Variants in PRKCD observed in about 807,000 individuals in gnomAD.
PRKCD encodes the protein protein kinase C delta type.
Under a neutral mutation model 82.2 loss-of-function variants are expected in PRKCD, and 20 were observed. The ratio of observed to expected loss-of-function variants is 0.24; its 90% CI spans 0.17 to 0.35. PRKCD has a LOEUF of 0.35. Among genes scored for constraint, PRKCD ranks in the 10% least tolerant of loss-of-function variants. PRKCD has a pLI of 1.00. For synonymous variants in PRKCD, 317 were observed against 337.0 expected, an observed-to-expected ratio of 0.94 and a Z score of 0.65; for missense variants, 607 against 899.0, an observed-to-expected ratio of 0.68 and a Z score of 4.15.
In PRKCD at chr3:53,189,183, C is replaced by A; in HGVS notation, c.1680C>A (p.Ile560=). ...ATGAGGATGAACTCTTCGAGTCCAT[C>A]CGTGTGGACACGCCACATTATCCCC... ...GDDEDELFES[I]RVDTPHYPRW... Residue 560 remains isoleucine, a synonymous_variant, in exon 17 of 19, where the codon ATC becomes ATA. Transcript: ENST00000330452. The A allele has an allele frequency of 6.2e-7, 1 of 1,614,160 alleles. No individual in the cohort carries two copies. Among genetic ancestry groups the A allele is most frequent in the African/African-American group, 1.3e-5 (1 of 75,064 alleles).
chr3:53,169,300 G>A lies in PRKCD; in HGVS notation c.-20+4085G>A, dbSNP rs913821483. Among the ~76,000 whole-genome samples the A allele has an allele frequency of 2.0e-5, 3 of 152,112 alleles. No homozygotes were observed. The highest frequency in any genetic ancestry group is 4.4e-5 in the Non-Finnish European group (3 of 68,004). ...AAGCCTGAAGTTCAGGAGGGTCTGG[G>A]CCCAAAGTAGAGACGGGAGCCTAAA... On this transcript the variant is annotated intron_variant, in intron 2 of 18. Transcript: ENST00000330452. This position sits in a 1 kb window ranked among gnomAD's most constrained non-coding sequence, Gnocchi z 4.7.
intron 2 of PRKCD, among the ~76,000 whole-genome samples, chr3:53,176,857 C>T (rs1310027783): frequency 1.3e-5 from 2 of 152,178 alleles, no homozygotes; most frequent in Admixed American, 1.3e-4. Flanking sequence ...GAGGCAGAGT[C>T]TCGCTCTGTT....
At chr3:53,185,550 G>A (rs1703642258) in intron 10 of PRKCD, 54 bp from the exon 11 acceptor site, 1 of 1,471,356 alleles carries the variant, frequency 6.8e-7, no homozygotes. Flanking sequence ...TTCTGGGCTG[G>A]GAGTTCTGAT....
At chr3:53,190,836 C>T (rs1703900089) in intron 18 of PRKCD, among the ~76,000 whole-genome samples, 1 of 152,240 alleles carries the variant, frequency 6.6e-6, no homozygotes, top group South Asian at 2.1e-4. Flanking sequence ...CACCAGGGAC[C>T]TCAAACTCAG....
intron 2 of PRKCD, among the ~76,000 whole-genome samples, chr3:53,165,838 G>T (rs1702813999): frequency 6.6e-6 from 1 of 152,214 alleles, no homozygotes; most frequent in African/African-American, 2.4e-5. Flanking sequence ...CAGTCTCTTT[G>T]AATCCCCTCA....
chr3:53,168,625 C>G (rs1319132209), intron 2 of PRKCD, among the ~76,000 whole-genome samples: 1 of 151,702 alleles, frequency 6.6e-6, no homozygotes, highest in African/African-American at 2.4e-5. Context: ...GGGCAGATCA[C>G]GGGGTGTGGT....
At chr3:53,162,608 T>G (rs1702708442) in intron 1 of PRKCD, among the ~76,000 whole-genome samples, 1 of 152,126 alleles carries the variant, frequency 6.6e-6, no homozygotes, top group African/African-American at 2.4e-5. Context: ...TGTGTGTATG[T>G]GTGTATGTCT....
In PRKCD at chr3:53,190,014, G is replaced by A. The variant is rs782421803; in HGVS notation, c.1872+13G>A. On this transcript the variant is annotated intron_variant, in intron 18 of 18. Coordinates refer to ENST00000330452, the MANE Select transcript of PRKCD (RefSeq NM_006254.4). Reference sequence around the variant, plus strand: ...CAGGCCCAAAGTGGTATGTGATCCTGCCCTGTGCTGCCTTCAGGCTGAGCT... The same window carrying A: ...CAGGCCCAAAGTGGTATGTGATCCTACCCTGTGCTGCCTTCAGGCTGAGCT... 57 of 1,613,324 alleles carry A rather than the reference G, an allele frequency of 3.5e-5. No homozygotes were observed. The highest frequency in any genetic ancestry group is 4.7e-5 in the Non-Finnish European group (56 of 1,179,740).
At position 53,185,695 on chromosome 3, in the gene PRKCD, T is replaced by C. The variant is rs900655326; in HGVS notation, c.980T>C (p.Met327Thr). Residue 327 changes from methionine to threonine, a missense_variant, in exon 11 of 19, where the codon ATG (methionine) becomes ACG (threonine). Physicochemically the swap from Met to Thr is moderately conservative, Grantham distance 81. Transcript: ENST00000330452. ...EKKTGVAGED[M>T]QDNSGTYGKI... ...AAGACCGGAGTTGCTGGGGAGGACATGCAAGGTGAAGCTGGGTCCATTGCC... is the reference window on the plus strand; with the variant it reads ...AAGACCGGAGTTGCTGGGGAGGACACGCAAGGTGAAGCTGGGTCCATTGCC... The C allele has an allele frequency of 1.2e-6, 2 of 1,612,236 alleles. No individual in the cohort carries two copies. Among genetic ancestry groups the C allele is most frequent in the Non-Finnish European group, 1.7e-6 (2 of 1,179,966 alleles).
intron 2 of PRKCD, among the ~76,000 whole-genome samples, chr3:53,168,388 T>A (rs1370223173): frequency 6.6e-6 from 1 of 151,620 alleles, no homozygotes; most frequent in Non-Finnish European, 1.5e-5. Context: ...ATGAGGAGTG[T>A]TGAGGAGTGG....
chr3:53,162,684 G>T (rs1702711184), intron 1 of PRKCD, among the ~76,000 whole-genome samples: 2 of 139,838 alleles, frequency 1.4e-5, no homozygotes, highest in Non-Finnish European at 3.1e-5. Context: ...TGTGTTTGTT[G>T]TCACCAGACT....
intron 1 of PRKCD, among the ~76,000 whole-genome samples, chr3:53,162,696 G>A (rs1469536374): frequency 6.4e-4 from 9 of 14,144 alleles, no homozygotes; most frequent in Admixed American, 4.1e-3. Context: ...CACCAGACTC[G>A]TGTGTGTGTG....
chr3:53,187,869 G>A (rs1013739104), intron 15 of PRKCD, among the ~76,000 whole-genome samples: 1 of 152,098 alleles, frequency 6.6e-6, no homozygotes, highest in Non-Finnish European at 1.5e-5. Flanking sequence ...AGTGTATATC[G>A]AATATTAGCA....
intron 1 of PRKCD, 128 bp downstream of exon 1, chr3:53,161,556 C>G (rs1205236318): frequency 6.6e-6 from 1 of 152,122 alleles, no homozygotes; most frequent in Non-Finnish European, 1.5e-5. Flanking sequence ...GCGAAAGTCC[C>G]GCCGCGCCGA....
intron 9 of PRKCD, among the ~76,000 whole-genome samples, chr3:53,184,671 A>G (rs1703603722): frequency 9.5e-6 from 1 of 105,648 alleles, no homozygotes; most frequent in Admixed American, 1.1e-4. Context: ...GGGAAACTCC[A>G]TCTCAAAAAA....
intron 15 of PRKCD, among the ~76,000 whole-genome samples, chr3:53,187,725 T>C (rs1553669593): frequency 1.6e-4 from 25 of 152,100 alleles, no homozygotes. Flanking sequence ...TTCCATAAAG[T>C]CTCATCTAAT....
At chr3:53,178,137 C>T (rs868916736) in intron 2 of PRKCD, among the ~76,000 whole-genome samples, 1 of 152,018 alleles carries the variant, frequency 6.6e-6, no homozygotes, top group African/African-American at 2.4e-5. Flanking sequence ...GGCTTTTCAC[C>T]ATGTTGGTCA....
chr3:53,166,820 G>T (rs1386670180), intron 2 of PRKCD, among the ~76,000 whole-genome samples: 1 of 152,260 alleles, frequency 6.6e-6, no homozygotes, highest in African/African-American at 2.4e-5. Flanking sequence ...CAGCCACCCT[G>T]CCCACCTGGC....
In PRKCD at chr3:53,186,248, G is replaced by A; in HGVS notation, c.1168G>A (p.Asp390Asn). 2.5e-6 allele frequency: 4 copies of A among 1,614,170 alleles called. No individual in the cohort carries two copies. Among genetic ancestry groups the A allele is most frequent in the Non-Finnish European group, 3.4e-6 (4 of 1,180,008 alleles). The change falls in exon 13 of 19, where the codon GAC (aspartate) becomes AAC (asparagine). Residue 390 changes from aspartate to asparagine, a missense_variant. Around this residue, in one of 5 missense-constraint regions of PRKCD, gnomAD observed 251 missense variants for 423.9 expected, o/e 0.59. Transcript: ENST00000330452. The stretch of plus-strand genomic sequence containing the variant: ...GAAGGATGTGGTCCTGATCGACGAC[G>A]ACGTGGAGTGCACCATGGTTGAGAA... ...LKKDVVLIDD[D>N]VECTMVEKRV...
Sources: gnomAD v4.1 joint callset for allele counts (sites outside exome capture counted in the v4.1 genomes callset) on GRCh38, gnomAD v4.1.1 for gene constraint, gnomAD v4.1.1 regional missense constraint, Gnocchi (gnomAD v3.1) non-coding constraint, MANE v1.5 for transcripts, NCBI Gene and HGNC (gene_info 2026-07-23, HGNC 2026-07-21) for gene names.